Variants in LAMA2 observed in about 807,000 individuals in gnomAD.
LAMA2 encodes laminin subunit alpha 2.
A neutral mutation model predicts 364.8 loss-of-function variants in LAMA2; 269 were observed. The ratio of observed to expected loss-of-function variants is 0.74; its 90% CI spans 0.67 to 0.82. The LOEUF (loss-of-function observed/expected upper bound fraction) is 0.82, where lower values mean the gene tolerates loss of function less well. LAMA2 is among the 40% of genes least tolerant of loss of function. LAMA2 has a pLI of 0.00. For missense variants in LAMA2, 3,807 were observed against 3,873.2 expected, an observed-to-expected ratio of 0.98 and a Z score of 0.45; for synonymous variants, 1,379 against 1,370.6, an observed-to-expected ratio of 1.01 and a Z score of -0.14.
At chr6:129,123,955 G>A (rs1007538787) in intron 4 of LAMA2, among the ~76,000 whole-genome samples, 10 of 152,278 alleles carry the variant, frequency 6.6e-5, no homozygotes, top group African/African-American at 2.4e-4. Context: ...TGATATATAT[G>A]TGGCAGAGAC....
At chr6:128,958,132 A>G (rs951766977) in intron 1 of LAMA2, among the ~76,000 whole-genome samples, 1 of 152,112 alleles carries the variant, frequency 6.6e-6, no homozygotes, top group East Asian at 1.9e-4. Context: ...AGAAGCAGAA[A>G]TAAGTAATCT....
At chr6:129,107,337 A>G (rs1428217272) in intron 4 of LAMA2, among the ~76,000 whole-genome samples, 1 of 152,154 alleles carries the variant, frequency 6.6e-6, no homozygotes, top group Non-Finnish European at 1.5e-5. Context: ...CTCAAGGTTC[A>G]GTAGCTAACA....
At chr6:129,352,958 TTTTA>T (rs765661766) in intron 31 of LAMA2, among the ~76,000 whole-genome samples, 1 of 152,112 alleles carries the variant, frequency 6.6e-6, no homozygotes, top group Non-Finnish European at 1.5e-5. Context: ...TGCTTTAGAA[TTTTA>T]TTTCTTTTTC....
intron 1 of LAMA2, among the ~76,000 whole-genome samples, chr6:129,020,762 G>C (rs893238123): frequency 6.6e-6 from 1 of 152,108 alleles, no homozygotes; most frequent in African/African-American, 2.4e-5. Context: ...CCTTAGATAA[G>C]GGGGAACTTC....
At chr6:129,172,679 C>T (rs1184522762) in intron 9 of LAMA2, among the ~76,000 whole-genome samples, 1 of 152,230 alleles carries the variant, frequency 6.6e-6, no homozygotes, top group Non-Finnish European at 1.5e-5. Context: ...GGCAGGCCTC[C>T]TTGAGCTGTG....
At chr6:129,206,641 T>C (rs994826607) in intron 12 of LAMA2, among the ~76,000 whole-genome samples, 1 of 152,222 alleles carries the variant, frequency 6.6e-6, no homozygotes, top group Non-Finnish European at 1.5e-5. Flanking sequence ...GCTTACATTT[T>C]TTATTCCTGA....
intron 40 of LAMA2, among the ~76,000 whole-genome samples, chr6:129,408,320 C>G (rs1410970611): frequency 1.3e-5 from 2 of 152,114 alleles, no homozygotes; most frequent in African/African-American, 4.8e-5. Flanking sequence ...ATTATGACTT[C>G]AAAAGGGCAT....
chr6:129,307,050 G>T (rs1189958039), intron 22 of LAMA2, among the ~76,000 whole-genome samples: 2 of 152,024 alleles, frequency 1.3e-5, no homozygotes, highest in African/African-American at 4.8e-5. Context: ...GTTGTGTATT[G>T]GATTTTATTG....
intron 32 of LAMA2, among the ~76,000 whole-genome samples, chr6:129,355,881 A>G (rs537201394): frequency 2.6e-5 from 4 of 152,208 alleles, no homozygotes; most frequent in African/African-American, 9.6e-5. Flanking sequence ...ACAGAAATGC[A>G]TGATAAATGA....
At chr6:129,322,401 T>C (rs1775023181) in intron 28 of LAMA2, among the ~76,000 whole-genome samples, 4 of 152,290 alleles carry the variant, frequency 2.6e-5, no homozygotes, top group Admixed American at 6.5e-5. Context: ...CCAGTGAGCA[T>C]TGAAGATTTT....
intron 9 of LAMA2, among the ~76,000 whole-genome samples, chr6:129,166,498 T>C (rs900368039): frequency 6.6e-6 from 1 of 152,214 alleles, no homozygotes; most frequent in Admixed American, 6.5e-5. Context: ...ACTGTAGGAT[T>C]ATCAATCTGA....
intron 1 of LAMA2, among the ~76,000 whole-genome samples, chr6:128,944,638 G>GAA (rs77605926): frequency 3.1e-5 from 3 of 96,856 alleles, no homozygotes; most frequent in African/African-American, 3.7e-5. Flanking sequence ...GCTAAAAGTA[G>GAA]AAAAAAAAAA....
chr6:128,922,516 G>A (rs113062098), intron 1 of LAMA2, among the ~76,000 whole-genome samples: 52 of 151,308 alleles, frequency 3.4e-4, no homozygotes, highest in African/African-American at 1.1e-3. Context: ...CTTTTGAGAA[G>A]TGTCTGTTCA....
intron 29 of LAMA2, among the ~76,000 whole-genome samples, chr6:129,329,668 G>A (rs939113654): frequency 5.3e-5 from 8 of 152,038 alleles, no homozygotes; most frequent in African/African-American, 9.7e-5. Context: ...AGCTGCAGTC[G>A]CCATCACTTT....
chr6:129,154,116 A>G (rs1778966570), intron 7 of LAMA2, among the ~76,000 whole-genome samples: 1 of 152,160 alleles, frequency 6.6e-6, no homozygotes. Context: ...AATTTCCCGT[A>G]TGGTATAAAA....
chr6:129,049,470 T>C (rs1391771877), intron 1 of LAMA2, among the ~76,000 whole-genome samples: 1 of 152,208 alleles, frequency 6.6e-6, no homozygotes, highest in Middle Eastern at 3.4e-3. Context: ...CACTGAAGGA[T>C]AATTAGAGCA....
chr6:129,291,502 C>A (rs926200703), intron 19 of LAMA2, 112 bp from the exon 20 acceptor site: 1 of 761,692 alleles, frequency 1.3e-6, no homozygotes, highest in Non-Finnish European at 2.3e-6. Flanking sequence ...AGAAAACATT[C>A]TGTTACTGAA....
chr6:129,296,276 G>T (rs926336064), intron 20 of LAMA2, among the ~76,000 whole-genome samples: 5 of 151,512 alleles, frequency 3.3e-5, no homozygotes, highest in African/African-American at 1.2e-4. Flanking sequence ...CTCTAAGCCA[G>T]GTATCTAAAA....
chr6:129,119,844 G>A (rs1226573252), intron 4 of LAMA2, among the ~76,000 whole-genome samples: 1 of 152,086 alleles, frequency 6.6e-6, no homozygotes, highest in Non-Finnish European at 1.5e-5. Flanking sequence ...CACTGCTCCC[G>A]GCCCACATTT....
Sources: allele counts gnomAD v4.1 joint callset (sites outside exome capture counted in the v4.1 genomes callset), GRCh38; gene constraint gnomAD v4.1.1; transcripts MANE v1.5; gene names NCBI Gene and HGNC (gene_info 2026-07-23, HGNC 2026-07-21).